Variants in CYP17A1 observed in about 807,000 individuals in gnomAD.
The protein encoded by CYP17A1 is cytochrome P450 family 17 subfamily A member 1, also known as steroid 17-alpha-hydroxylase/17,20 lyase.
A neutral mutation model predicts 38.5 loss-of-function variants in CYP17A1; 27 were observed. The observed-to-expected ratio is 0.70, with a 90% CI of 0.52 to 0.97. CYP17A1 has a LOEUF of 0.97. CYP17A1 is among the 50% of genes least tolerant of loss of function. The pLI, the probability that CYP17A1 is intolerant of heterozygous loss-of-function variation, is 0.00. For missense variants in CYP17A1, 549 were observed against 645.9 expected, an observed-to-expected ratio of 0.85 and a Z score of 1.63; for synonymous variants, 263 against 253.3, an observed-to-expected ratio of 1.04 and a Z score of -0.36.
Position 102,831,565 on chromosome 10 carries a change from G to A in CYP17A1, c.1186C>T (p.Leu396=). ...TTCTCATTGTGATGCAGCGCCCACA[G>A]ATTGATGATAACTTCTGTGCCCTTG... The part of the protein sequence containing the change: ...VDKGTEVIIN[L]WALHHNEKEW... The change falls in exon 7 of 8, where the codon CTG becomes TTG. Residue 396 remains leucine, a synonymous_variant. Coordinates refer to ENST00000369887, the MANE Select transcript of CYP17A1 (RefSeq NM_000102.4). 1 of 1,614,030 alleles carries A rather than the reference G, an allele frequency of 6.2e-7. No homozygotes were observed. Among genetic ancestry groups the A allele is most frequent in the Non-Finnish European group, 8.5e-7 (1 of 1,180,042 alleles).
intron 5 of CYP17A1, 114 bp downstream of exon 5, chr10:102,832,879 G>A (rs969664972): frequency 2.0e-6 from 3 of 1,533,850 alleles, no homozygotes; most frequent in Non-Finnish European, 2.6e-6. Context: ...TGGGTAAGGA[G>A]CAGGGCAGGC....
intron 7 of CYP17A1, 55 bp downstream of exon 7, chr10:102,831,453 G>T: frequency 6.2e-7 from 1 of 1,606,554 alleles, no homozygotes; most frequent in Non-Finnish European, 8.5e-7. Flanking sequence ...CTGGGGTGGT[G>T]GAGCAGAGTC....
intron 1 of CYP17A1, among the ~76,000 whole-genome samples, chr10:102,836,314 G>A (rs535432343): frequency 2.0e-5 from 3 of 151,988 alleles, no homozygotes; most frequent in Non-Finnish European, 2.9e-5. Flanking sequence ...AAAAATTAGC[G>A]GGCATGGTGG....
chr10:102,832,908 A>G, intron 5 of CYP17A1, 85 bp downstream of exon 5: 2 of 1,568,620 alleles, frequency 1.3e-6, no homozygotes, highest in Non-Finnish European at 1.7e-6. Context: ...CCTGCACAGA[A>G]AGCCTGAGAG....
Position 102,835,398 on chromosome 10 carries a change from G to A in CYP17A1, c.298-6C>T, listed in dbSNP as rs1844149254. ...GACGCGATGTCTAGAGTTGCCTTTA[G>A]AGAGCAGGCAAGGCTGTAGGAATCT... On this transcript the variant is annotated splice_polypyrimidine_tract_variant and splice_region_variant and intron_variant, in intron 1 of 7. Coordinates refer to ENST00000369887, the MANE Select transcript of CYP17A1 (RefSeq NM_000102.4). 6.2e-7 allele frequency: 1 copy of A among 1,610,608 alleles called. No individual in the cohort carries two copies. The highest frequency in any genetic ancestry group is 8.5e-7 in the Non-Finnish European group (1 of 1,176,862).
At position 102,832,501 on chromosome 10, in the gene CYP17A1, G is replaced by T; in HGVS notation, c.1139+10C>A. On this transcript the variant is annotated intron_variant, in intron 6 of 7. Coordinates refer to ENST00000369887, the MANE Select transcript of CYP17A1 (RefSeq NM_000102.4). ...CATGGGGCTAGATGTCACTGGGAGG[G>T]CAGGCACACCTGGAGTCAACGTTGG... 6.3e-7 allele frequency: 1 copy of T among 1,577,354 alleles called. No individual in the cohort carries two copies. The highest frequency in any genetic ancestry group is 8.7e-7 in the Non-Finnish European group (1 of 1,146,548).
rs1844143362 is a variant in CYP17A1, at chr10:102,835,116, G to C, written c.437-102C>G. 10 of 1,073,366 alleles carry C rather than the reference G, an allele frequency of 9.3e-6. No individual in the cohort carries two copies. The South Asian group carries it at 1.3e-4, about 14-fold the overall frequency. 66.5% of individuals were successfully genotyped at this position (1,073,366 alleles called of 1,614,324 possible). On this transcript the variant is annotated intron_variant, in intron 2 of 7. Transcript: ENST00000369887. Reference sequence around the variant, plus strand: ...AGGAGCGGGGGACAGATAGCAGATGGCCACTAGATGGCAGCAGTAGCCAAG... The same window carrying C: ...AGGAGCGGGGGACAGATAGCAGATGCCCACTAGATGGCAGCAGTAGCCAAG...
At chr10:102,835,506 G>A in intron 1 of CYP17A1, 114 bp from the exon 2 acceptor site, 1 of 903,912 alleles carries the variant, frequency 1.1e-6, no homozygotes, top group Non-Finnish European at 1.9e-6. Flanking sequence ...CTGGCATGCT[G>A]ACTCCCATGT....
chr10:102,833,365 AGCCCCGG>A (rs1425733074), intron 4 of CYP17A1, 157 bp from the exon 5 acceptor site: 31 of 1,446,642 alleles, frequency 2.1e-5, no homozygotes, highest in Non-Finnish European at 2.8e-5. Flanking sequence ...GGTAGGAGGC[AGCCCCGG>A]GCCCTCTTTA....
In CYP17A1 at chr10:102,837,259, G is replaced by T; in HGVS notation, c.103C>A (p.Pro35Thr). 1 of 1,603,138 alleles carries T rather than the reference G, an allele frequency of 6.2e-7. No individual in the cohort carries two copies. Among genetic ancestry groups the T allele is most frequent in the Non-Finnish European group, 8.5e-7 (1 of 1,169,934 alleles). ...AGGAATGGCAGGCTGCCCACCAGGGGCAGGGACAGGAGGCTCTTGGGGTAC... is the reference window on the plus strand; with the variant it reads ...AGGAATGGCAGGCTGCCCACCAGGGTCAGGGACAGGAGGCTCTTGGGGTAC... ...AKYPKSLLSLPLVGSLPFLPR... is the reference protein window; with the variant it reads ...AKYPKSLLSLTLVGSLPFLPR... The change falls in exon 1 of 8, where the codon CCC becomes ACC. Residue 35 changes from proline (P) to threonine (T), a missense_variant. This residue lies in a region of CYP17A1 where 289 missense variants were observed against 320.9 expected (regional missense o/e 0.90). Coordinates refer to ENST00000369887, the MANE Select transcript of CYP17A1 (RefSeq NM_000102.4).
chr10:102,832,669 C>G lies in CYP17A1; in HGVS notation c.981G>C (p.Lys327Asn), dbSNP rs1844105978. Residue 327 changes from lysine (K) to asparagine (N), a missense_variant, in exon 6 of 8, where the codon AAG becomes AAC. By Grantham distance (94) the Lys-to-Asn change is moderately conservative. Coordinates refer to ENST00000369887, the MANE Select transcript of CYP17A1 (RefSeq NM_000102.4). ...FLLHNPQVKK[K>N]LYEEIDQNVG... is the part of the protein sequence containing the mutation. ...CATTCTGGTCAATCTCCTCGTAGAGCTTCTTCTTCACCTGAAGACCAGAGT... is the reference window on the plus strand; with the variant it reads ...CATTCTGGTCAATCTCCTCGTAGAGGTTCTTCTTCACCTGAAGACCAGAGT... 1 of 1,603,644 alleles carries G rather than the reference C, an allele frequency of 6.2e-7. No individual in the cohort carries two copies. Among genetic ancestry groups the G allele is most frequent in the Admixed American group, 1.7e-5 (1 of 60,004 alleles).
intron 3 of CYP17A1, chr10:102,834,412 CATG>C: frequency 3.6e-6 from 2 of 551,936 alleles, no homozygotes; most frequent in Non-Finnish European, 6.7e-6. Flanking sequence ...GTGAGAGAGA[CATG>C]AGCCTGAAGG....
At position 102,834,087 on chromosome 10, in the gene CYP17A1, G is replaced by A. The variant is rs146311005; in HGVS notation, c.702C>T (p.Ser234=). ...FPNKTLEKLK[S]HVKIRNDLLN... The stretch of plus-strand genomic sequence containing the variant: ...GCAGATCATTTCGTATTTTAACATG[G>A]CTCTTTAATTTTTCCAGGGTTTTGT... The change falls in exon 4 of 8, where the codon AGC becomes AGT. Residue 234 remains serine (S), a synonymous_variant. Transcript: ENST00000369887. 2.2e-6 allele frequency: 3 copies of A among 1,334,778 alleles called. No homozygotes were observed. The East Asian group carries it at 6.9e-5, about 31-fold the overall frequency. The allele number at this position is 1,334,778 out of a possible 1,614,324, so 82.7% of individuals were successfully genotyped here. A position where few individuals can be genotyped will look rare whatever the true frequency, so the allele number is the denominator to read the frequency against.
At position 102,835,362 on chromosome 10, in the gene CYP17A1, T is replaced by TA; in HGVS notation, c.327dup (p.Lys110Ter). ...CCAGAGTCAGCGAAGGCGATACCCT[T>TA]ACGGTTGTTGGACGCGATGTCTAGA... On this transcript the variant is annotated frameshift_variant, in exon 2 of 8. Coordinates refer to ENST00000369887, the MANE Select transcript of CYP17A1 (RefSeq NM_000102.4). LOFTEE classifies it high-confidence loss of function. The TA allele has an allele frequency of 1.2e-6, 2 of 1,612,978 alleles. No homozygotes were observed. Among genetic ancestry groups the TA allele is most frequent in the Non-Finnish European group, 1.7e-6 (2 of 1,178,934 alleles).
chr10:102,833,532 C>T (rs1844120088), intron 4 of CYP17A1: 2 of 342,252 alleles, frequency 5.8e-6, no homozygotes, highest in Non-Finnish European at 1.1e-5. Context: ...TCTCAGCTCA[C>T]TGCAACCTCT....
Position 102,832,988 on chromosome 10 carries a change from C to T in CYP17A1, c.969+5G>A. ...GGGTCTAGGATCAATGAGGGGGAAG[C>T]ACACCTGAGGATTGTGCAGCAGGAA... On this transcript the variant is annotated splice_donor_5th_base_variant and intron_variant, in intron 5 of 7. Coordinates refer to ENST00000369887, the MANE Select transcript of CYP17A1 (RefSeq NM_000102.4). 3 of 1,613,906 alleles carry T rather than the reference C, an allele frequency of 1.9e-6. No individual in the cohort carries two copies. Among genetic ancestry groups the T allele is most frequent in the Non-Finnish European group, 2.5e-6 (3 of 1,179,852 alleles).
At chr10:102,832,361 C>A (rs966285212) in intron 6 of CYP17A1, 150 bp downstream of exon 6, 2 of 683,738 alleles carry the variant, frequency 2.9e-6, no homozygotes, top group Non-Finnish European at 5.3e-6. Flanking sequence ...TGTGAGCCAC[C>A]GTGCCCGGCC....
At chr10:102,835,154 T>A (rs1844143798) in intron 2 of CYP17A1, 100 bp downstream of exon 2, 1 of 1,205,654 alleles carries the variant, frequency 8.3e-7, no homozygotes, top group African/African-American at 1.5e-5. Context: ...AAGGCTGCAT[T>A]GCGCTCTAGT....
rs766890468 is a variant in CYP17A1, at chr10:102,837,410, CT to C, written c.-50del. On this transcript the variant is annotated 5_prime_UTR_variant, in exon 1 of 8. Transcript: ENST00000369887. ...GATAGACAGCAGTGGAGTAGAAGAG[CT>C]GTGGCAACTCTAGGGCACAAGGAGG... 1.7e-6 allele frequency: 2 copies of C among 1,168,308 alleles called. No individual in the cohort carries two copies. Among genetic ancestry groups the C allele is most frequent in the Non-Finnish European group, 2.6e-6 (2 of 775,104 alleles). 72.4% of individuals were successfully genotyped at this position (1,168,308 alleles called of 1,614,324 possible).
Sources: allele counts gnomAD v4.1 joint callset (sites outside exome capture counted in the v4.1 genomes callset), GRCh38; gene constraint gnomAD v4.1.1; regional missense constraint gnomAD v4.1.1; transcripts MANE v1.5; gene names NCBI Gene and HGNC (gene_info 2026-07-23, HGNC 2026-07-21).